Variants in SETBP1 observed in about 807,000 individuals in gnomAD.
SETBP1 encodes SET binding protein 1.
In SETBP1, 9 loss-of-function variants were observed where a neutral mutation model predicts 101.0. The observed-to-expected ratio is 0.09, with a 90% CI of 0.05 to 0.16. The LOEUF is 0.16. SETBP1 is among the 10% of genes least tolerant of loss of function. SETBP1 has a pLI of 1.00. For missense variants in SETBP1, 1,858 were observed against 2,033.8 expected, an observed-to-expected ratio of 0.91 and a Z score of 1.66; for synonymous variants, 818 against 788.5, an observed-to-expected ratio of 1.04 and a Z score of -0.63.
At chr18:44,696,093 G>A (rs2069013808) in intron 1 of SETBP1, among the ~76,000 whole-genome samples, 1 of 152,188 alleles carries the variant, frequency 6.6e-6, no homozygotes, top group African/African-American at 2.4e-5. Context: ...ATGATGCTGG[G>A]AAGCCCAGCT....
chr18:44,763,421 G>T (rs2070701772), intron 2 of SETBP1, among the ~76,000 whole-genome samples: 1 of 152,162 alleles, frequency 6.6e-6, no homozygotes, highest in African/African-American at 2.4e-5. Context: ...CTCCCTCTAG[G>T]CTTCCTGGCA....
At chr18:45,037,494 C>A (rs2073420927) in intron 4 of SETBP1, among the ~76,000 whole-genome samples, 1 of 152,176 alleles carries the variant, frequency 6.6e-6, no homozygotes, top group African/African-American at 2.4e-5. Flanking sequence ...CATGGATTGA[C>A]TTGTCGGATG....
At chr18:44,947,676 T>A (rs1255330687) in intron 3 of SETBP1, among the ~76,000 whole-genome samples, 1 of 151,990 alleles carries the variant, frequency 6.6e-6, no homozygotes, top group Non-Finnish European at 1.5e-5. Context: ...CTGGCTAATT[T>A]TGTATTTTTA....
At chr18:44,969,823 G>A (rs2071802904) in intron 4 of SETBP1, among the ~76,000 whole-genome samples, 1 of 152,128 alleles carries the variant, frequency 6.6e-6, no homozygotes, top group Admixed American at 6.5e-5. Context: ...CCTCTTCTGT[G>A]TATAGCTGAC....
intron 2 of SETBP1, among the ~76,000 whole-genome samples, chr18:44,844,701 A>G (rs775864595): frequency 2.6e-5 from 4 of 151,854 alleles, no homozygotes; most frequent in African/African-American, 4.8e-5. Context: ...TCAGACATGA[A>G]TTAGGTGGAC....
intron 1 of SETBP1, among the ~76,000 whole-genome samples, chr18:44,693,755 C>A (rs905479662): frequency 6.6e-6 from 1 of 152,192 alleles, no homozygotes; most frequent in Non-Finnish European, 1.5e-5. Context: ...TAAGTAGGAT[C>A]ACACTCCATC....
intron 2 of SETBP1, among the ~76,000 whole-genome samples, chr18:44,820,052 TG>T (rs1276566561): frequency 9.9e-5 from 15 of 152,232 alleles, no homozygotes; most frequent in African/African-American, 3.6e-4. Flanking sequence ...CTGGCAGCTT[TG>T]GGAGACTGGC....
intron 3 of SETBP1, among the ~76,000 whole-genome samples, chr18:44,939,078 T>C (rs2071027348): frequency 6.6e-6 from 1 of 152,004 alleles, no homozygotes; most frequent in African/African-American, 2.4e-5. Flanking sequence ...TTTAACATGA[T>C]TGAGGTTAAA....
chr18:45,041,466 G>T (rs16978257), intron 5 of SETBP1, among the ~76,000 whole-genome samples: 19,274 of 151,900 alleles, frequency 0.13, 1,859 homozygotes, highest in African/African-American at 0.27. Flanking sequence ...GTAGAATTAC[G>T]TCTGGCTTTA....
intron 4 of SETBP1, among the ~76,000 whole-genome samples, chr18:45,013,799 C>T (rs1270496761): frequency 6.6e-6 from 1 of 152,128 alleles, no homozygotes; most frequent in African/African-American, 2.4e-5. Context: ...CCAGGCATCC[C>T]CAATCCTGAC....
chr18:44,793,153 C>T (rs1327317974), intron 2 of SETBP1, among the ~76,000 whole-genome samples: 1 of 152,132 alleles, frequency 6.6e-6, no homozygotes. Flanking sequence ...TTATTGTGTC[C>T]AAACCTCCCC....
At chr18:44,757,137 T>C (rs1034922066) in intron 2 of SETBP1, among the ~76,000 whole-genome samples, 2 of 152,102 alleles carry the variant, frequency 1.3e-5, no homozygotes, top group Admixed American at 6.5e-5. Context: ...CCCTATGATA[T>C]TGTCAACAGC....
Position 45,038,591 on chromosome 18 carries a change from T to G in SETBP1, c.4107T>G (p.Ser1369Arg). ...MTRKKPAAVD[S>R]VTIPPAPVLS... ...GGAAGAAGCCAGCCGCAGTTGACAG[T>G]GTTACAATTCCACCAGCCCCAGTGT... is the stretch of plus-strand genomic sequence containing the variant. Residue 1369 changes from serine to arginine, a missense_variant, in exon 5 of 6, where the codon AGT becomes AGG. Transcript: ENST00000649279. 6.2e-7 allele frequency: 1 copy of G among 1,614,134 alleles called. No homozygotes were observed. The highest frequency in any genetic ancestry group is 1.7e-5 in the Admixed American group (1 of 60,020).
At chr18:44,768,026 T>G (rs1458302458) in intron 2 of SETBP1, among the ~76,000 whole-genome samples, 1 of 152,230 alleles carries the variant, frequency 6.6e-6, no homozygotes, top group African/African-American at 2.4e-5. Context: ...TGACTTTTCT[T>G]TCCCGTAATA....
rs4024595 is a variant in SETBP1 at position 44,848,072 on chromosome 18, GGT to G, written c.487-21127_487-21126del. Among the ~76,000 whole-genome samples, 784 of 148,522 alleles carry G rather than the reference GGT, an allele frequency of 5.3e-3. 2 individuals are homozygous for G. Among genetic ancestry groups the G allele is most frequent in the African/African-American group, 0.01 (421 of 40,336 alleles). On this transcript the variant is annotated intron_variant, in intron 2 of 5. Transcript: ENST00000649279. ...TTAATTAACATCTCTACTCTCTGAA[GGT>G]GTGTGTGTGTGTGTGTGTGTGTGTG...
chr18:44,755,780 C>T (rs2070478206), intron 2 of SETBP1, among the ~76,000 whole-genome samples: 1 of 152,098 alleles, frequency 6.6e-6, no homozygotes, highest in African/African-American at 2.4e-5. Flanking sequence ...TAATAAGTTC[C>T]ATTTTATATA....
intron 4 of SETBP1, among the ~76,000 whole-genome samples, chr18:44,955,928 G>T (rs760477387): frequency 2.6e-5 from 4 of 152,168 alleles, no homozygotes; most frequent in Non-Finnish European, 4.4e-5. Flanking sequence ...CAATGTAGAA[G>T]GAATCCTTGT....
Position 44,910,440 on chromosome 18 carries a change from A to G in SETBP1, c.541-39441A>G, listed in dbSNP as rs190388348. Among the ~76,000 whole-genome samples, 752 of 152,328 alleles carry G rather than the reference A, an allele frequency of 4.9e-3. 8 individuals are homozygous for G. The highest frequency in any genetic ancestry group is 0.017 in the African/African-American group (725 of 41,580). Reference sequence around the variant, plus strand: ...AAACCTTTATGTCTTTGATGGAGTCAGGAAGATGAAAGAAGCTGTTGTCTG... The same window carrying G: ...AAACCTTTATGTCTTTGATGGAGTCGGGAAGATGAAAGAAGCTGTTGTCTG... On this transcript the variant is annotated intron_variant, in intron 3 of 5. Coordinates refer to ENST00000649279, the MANE Select transcript of SETBP1 (RefSeq NM_015559.3).
At chr18:44,804,631 G>A (rs1003410187) in intron 2 of SETBP1, among the ~76,000 whole-genome samples, 1 of 152,034 alleles carries the variant, frequency 6.6e-6, no homozygotes, top group Non-Finnish European at 1.5e-5. Context: ...AATTCTCATG[G>A]TCTATGAGAG....
Sources: allele counts gnomAD v4.1 joint callset (sites outside exome capture counted in the v4.1 genomes callset), GRCh38; gene constraint gnomAD v4.1.1; transcripts MANE v1.5; gene names NCBI Gene and HGNC (gene_info 2026-07-23, HGNC 2026-07-21).